Variants in UBAC2 observed in about 807,000 individuals in gnomAD.
UBAC2 encodes the protein ubiquitin-associated domain-containing protein 2.
A neutral mutation model predicts 44.0 loss-of-function variants in UBAC2; 26 were observed. The observed-to-expected ratio is 0.59, with a 90% CI of 0.43 to 0.82. The LOEUF is 0.82. Ranked by LOEUF, UBAC2 falls within the 40% of genes least tolerant of loss-of-function variation. The probability of loss-of-function intolerance (pLI) is 0.00; values close to 1 mark genes in which losing one functional copy is unlikely to be tolerated. For synonymous variants in UBAC2, 155 were observed against 154.3 expected, an observed-to-expected ratio of 1.00 and a Z score of -0.04; for missense variants, 329 against 419.4, an observed-to-expected ratio of 0.78 and a Z score of 1.88.
intron 4 of UBAC2, among the ~76,000 whole-genome samples, chr13:99,276,628 C>T (rs1010513638): frequency 2.6e-5 from 4 of 152,166 alleles, no homozygotes; most frequent in Non-Finnish European, 5.9e-5. Context: ...TATAGGGCTC[C>T]ATCTCCCACC....
intron 4 of UBAC2, among the ~76,000 whole-genome samples, chr13:99,245,577 G>A (rs1372628092): frequency 2.0e-5 from 3 of 152,122 alleles, no homozygotes; most frequent in East Asian, 3.9e-4. Flanking sequence ...AAACAGGCCG[G>A]GCGCGGTGGC....
chr13:99,201,145 A>G (rs2042791085), intron 1 of UBAC2: 6 of 1,364,120 alleles, frequency 4.4e-6, no homozygotes, highest in South Asian at 2.0e-5. Flanking sequence ...AATGGGGACA[A>G]AGCCCCGCCG....
chr13:99,217,680 C>T (rs2043012807), intron 1 of UBAC2, among the ~76,000 whole-genome samples: 1 of 152,184 alleles, frequency 6.6e-6, no homozygotes, highest in African/African-American at 2.4e-5. Flanking sequence ...TTCTCCAGGC[C>T]CCAGGCGTTT....
chr13:99,271,187 G>A (rs929571444), intron 4 of UBAC2, among the ~76,000 whole-genome samples: 1 of 152,144 alleles, frequency 6.6e-6, no homozygotes, highest in Non-Finnish European at 1.5e-5. Flanking sequence ...GATCTGTGTT[G>A]TACAAAACTA....
intron 7 of UBAC2, among the ~76,000 whole-genome samples, chr13:99,345,398 T>C (rs1035112432): frequency 2.0e-5 from 3 of 150,978 alleles, no homozygotes; most frequent in South Asian, 2.1e-4. Context: ...AGGAGACAAA[T>C]AGAAGGAGGT....
At chr13:99,236,753 G>A (rs1230761445) in intron 1 of UBAC2, among the ~76,000 whole-genome samples, 2 of 152,174 alleles carry the variant, frequency 1.3e-5, no homozygotes, top group African/African-American at 4.8e-5. Context: ...GGTAGGCTGA[G>A]GCAGGAGAAT....
intron 6 of UBAC2, among the ~76,000 whole-genome samples, chr13:99,335,793 C>T (rs2044780355): frequency 6.6e-6 from 1 of 152,176 alleles, no homozygotes; most frequent in Non-Finnish European, 1.5e-5. Flanking sequence ...CAAAGCTCTA[C>T]TTGGTGTTGC....
chr13:99,213,859 G>T (rs777955919), intron 1 of UBAC2, among the ~76,000 whole-genome samples: 1 of 151,928 alleles, frequency 6.6e-6, no homozygotes, highest in Non-Finnish European at 1.5e-5. Flanking sequence ...TTGCTTTGTC[G>T]CTCAGGCTGG....
At chr13:99,288,104 T>C (rs1226356749) in intron 4 of UBAC2, among the ~76,000 whole-genome samples, 1 of 152,246 alleles carries the variant, frequency 6.6e-6, no homozygotes, top group Non-Finnish European at 1.5e-5. Context: ...AATGTTACTT[T>C]TTTTAGATTA....
chr13:99,347,705 G>A (rs1165054416), intron 7 of UBAC2, among the ~76,000 whole-genome samples: 2 of 151,182 alleles, frequency 1.3e-5, no homozygotes, highest in Admixed American at 6.6e-5. Context: ...GCTGACAGGG[G>A]CAGGGTACAG....
At chr13:99,256,056 A>G (rs543979966) in intron 4 of UBAC2, 12 of 559,812 alleles carry the variant, frequency 2.1e-5, no homozygotes, top group Non-Finnish European at 3.7e-5. Flanking sequence ...CTGAACATTC[A>G]CAGTAATTCT....
intron 4 of UBAC2, among the ~76,000 whole-genome samples, chr13:99,266,815 C>T (rs2043749943): frequency 1.3e-5 from 2 of 152,198 alleles, no homozygotes; most frequent in Admixed American, 1.3e-4. Flanking sequence ...AGACTGAAAG[C>T]CTGTACCCAT....
At chr13:99,380,354 A>G (rs571691471) in intron 8 of UBAC2, among the ~76,000 whole-genome samples, 2 of 152,264 alleles carry the variant, frequency 1.3e-5, no homozygotes, top group South Asian at 2.1e-4. Context: ...GACCGTAATG[A>G]GATGTGTGGG....
At chr13:99,310,243 C>T (rs969906096) in intron 4 of UBAC2, among the ~76,000 whole-genome samples, 1 of 152,190 alleles carries the variant, frequency 6.6e-6, no homozygotes, top group Admixed American at 6.5e-5. Flanking sequence ...GAGAAGATTG[C>T]TTGAGCCTAG....
chr13:99,202,204 C>T (rs2042812460), intron 1 of UBAC2, among the ~76,000 whole-genome samples: 1 of 152,024 alleles, frequency 6.6e-6, no homozygotes, highest in South Asian at 2.1e-4. Context: ...CCTCACTTCT[C>T]AACTTCTCAG....
intron 5 of UBAC2, among the ~76,000 whole-genome samples, chr13:99,316,939 A>G (rs1008855284): frequency 6.6e-6 from 1 of 152,220 alleles, no homozygotes; most frequent in Non-Finnish European, 1.5e-5. Flanking sequence ...TTCTATTTTT[A>G]GAAGAAAATT....
chr13:99,367,749 C>G (rs1566525140), intron 7 of UBAC2, 38 bp from the exon 8 acceptor site: 1 of 1,613,434 alleles, frequency 6.2e-7, no homozygotes, highest in East Asian at 2.2e-5. Context: ...GATTCTGCTC[C>G]TTCTGTGTCT....
At chr13:99,354,299 C>A (rs1050748478) in intron 7 of UBAC2, among the ~76,000 whole-genome samples, 1 of 152,210 alleles carries the variant, frequency 6.6e-6, no homozygotes, top group Non-Finnish European at 1.5e-5. Flanking sequence ...CCTCCTGCAG[C>A]GGCTCTGGCA....
intron 4 of UBAC2, chr13:99,261,705 T>C (rs1385994103): frequency 6.6e-6 from 1 of 152,400 alleles, no homozygotes; most frequent in African/African-American, 2.4e-5. Flanking sequence ...TGAAGTCCCA[T>C]GGGACCCCAG....
Sources: gnomAD v4.1 joint callset for allele counts (sites outside exome capture counted in the v4.1 genomes callset) on GRCh38, gnomAD v4.1.1 for gene constraint, MANE v1.5 for transcripts, NCBI Gene and HGNC (gene_info 2026-07-23, HGNC 2026-07-21) for gene names.